The following ZMYND8 variants were observed in gnomAD, a reference collection of about 807,000 sequenced individuals.
The protein encoded by ZMYND8 is MYND-type zinc finger-containing chromatin reader ZMYND8.
A neutral mutation model predicts 140.8 loss-of-function variants in ZMYND8; 37 were observed. The observed-to-expected ratio is 0.26, with a 90% CI of 0.20 to 0.35. ZMYND8 has a LOEUF of 0.35. Ranked by LOEUF, ZMYND8 falls within the 10% of genes least tolerant of loss-of-function variation. The pLI, the probability that ZMYND8 is intolerant of heterozygous loss-of-function variation, is 1.00. For synonymous variants in ZMYND8, 592 were observed against 597.1 expected, an observed-to-expected ratio of 0.99 and a Z score of 0.12; for missense variants, 1,068 against 1,570.0, an observed-to-expected ratio of 0.68 and a Z score of 5.40.
chr20:47,291,682 G>C, intron 6 of ZMYND8, 114 bp downstream of exon 6: 1 of 661,454 alleles, frequency 1.5e-6, no homozygotes, highest in Non-Finnish European at 2.3e-6. Flanking sequence ...AAAATATAGA[G>C]AAACAATTTA....
chr20:47,315,621 G>A (rs1007342556), intron 2 of ZMYND8, among the ~76,000 whole-genome samples: 7 of 152,102 alleles, frequency 4.6e-5, no homozygotes, highest in African/African-American at 1.7e-4. Context: ...GGCTCCATAA[G>A]GACCCTTTCC....
chr20:47,333,197 T>C (rs966120301), intron 2 of ZMYND8, among the ~76,000 whole-genome samples: 2 of 151,308 alleles, frequency 1.3e-5, no homozygotes, highest in African/African-American at 2.4e-5. Flanking sequence ...AACATATATA[T>C]ATGAGAGAGA....
At chr20:47,216,524 G>A (rs1020956088) in intron 21 of ZMYND8, among the ~76,000 whole-genome samples, 2 of 132,958 alleles carry the variant, frequency 1.5e-5, no homozygotes, top group Non-Finnish European at 3.0e-5. Context: ...AAAAAGGGCC[G>A]GGCTGGGCGT....
At chr20:47,234,678 A>T (rs1443491140) in intron 16 of ZMYND8, among the ~76,000 whole-genome samples, 2 of 152,206 alleles carry the variant, frequency 1.3e-5, no homozygotes, top group African/African-American at 2.4e-5. Flanking sequence ...GCAATAGATA[A>T]CAATTACACC....
chr20:47,263,306 C>T (rs2075285180), intron 11 of ZMYND8, among the ~76,000 whole-genome samples: 1 of 152,132 alleles, frequency 6.6e-6, no homozygotes, highest in Non-Finnish European at 1.5e-5. Flanking sequence ...GCCAACTCTT[C>T]CAAGATGAGC....
intron 10 of ZMYND8, 96 bp from the exon 11 acceptor site, chr20:47,276,891 G>T (rs1382474115): frequency 7.5e-6 from 8 of 1,065,718 alleles, no homozygotes; most frequent in South Asian, 2.6e-5. Flanking sequence ...AAGCATGTTT[G>T]CCAAGATTCT....
chr20:47,252,095 A>G (rs1013328523), intron 12 of ZMYND8, among the ~76,000 whole-genome samples: 1 of 152,046 alleles, frequency 6.6e-6, no homozygotes, highest in Non-Finnish European at 1.5e-5. Context: ...GGGGTTCAAG[A>G]TCCGCCTGGC....
At chr20:47,235,926 TG>T in intron 16 of ZMYND8, among the ~76,000 whole-genome samples, 1 of 152,280 alleles carries the variant, frequency 6.6e-6, no homozygotes, top group South Asian at 2.1e-4. Context: ...CATCTCACCT[TG>T]CCAGTCTCAT....
In ZMYND8 at chr20:47,212,150, G is replaced by GA. The variant is rs140350197; in HGVS notation, c.3568+491dup. On this transcript the variant is annotated intron_variant, in intron 22 of 22. Coordinates refer to ENST00000471951, the MANE Select transcript of ZMYND8 (RefSeq NM_001281775.3). The stretch of plus-strand genomic sequence containing the variant: ...TGCAGCTGGTCATCCCCATCTGGGA[G>GA]AAAATCCTACAGTGATGTGGTCAAA... 2.0e-3 allele frequency among the ~76,000 whole-genome samples: 299 copies of GA among 152,306 alleles called. 8 individuals are homozygous for GA. The South Asian group carries it at 0.037, about 19-fold the overall frequency.
chr20:47,333,746 A>AC (rs1319632492), intron 2 of ZMYND8, among the ~76,000 whole-genome samples: 9 of 139,486 alleles, frequency 6.5e-5, no homozygotes, highest in African/African-American at 2.2e-4. Context: ...AAAAAAAAAA[A>AC]AAAAAAAAAA....
chr20:47,335,305 G>GT (rs1408065844), intron 2 of ZMYND8, among the ~76,000 whole-genome samples: 1 of 151,918 alleles, frequency 6.6e-6, no homozygotes, highest in Non-Finnish European at 1.5e-5. Flanking sequence ...GTCAATAAAG[G>GT]TATTTTTTTT....
At chr20:47,287,417 G>T in intron 7 of ZMYND8, 133 bp from the exon 8 acceptor site, 2 of 735,378 alleles carry the variant, frequency 2.7e-6, no homozygotes, top group Non-Finnish European at 4.7e-6. Context: ...AAAACCAGAG[G>T]TTCCTGGCTT....
chr20:47,258,173 C>T (rs986760455), intron 12 of ZMYND8, among the ~76,000 whole-genome samples: 16 of 152,222 alleles, frequency 1.1e-4, no homozygotes, highest in Admixed American at 9.8e-4. Context: ...CAAAACTTCA[C>T]CTTACCCCCT....
At chr20:47,214,391 T>G (rs1432460331) in intron 21 of ZMYND8, among the ~76,000 whole-genome samples, 2 of 152,236 alleles carry the variant, frequency 1.3e-5, no homozygotes, top group African/African-American at 4.8e-5. Flanking sequence ...CGGCACTGAC[T>G]GCAAAACGCA....
chr20:47,281,736 G>T (rs2076618797), intron 10 of ZMYND8, among the ~76,000 whole-genome samples: 1 of 152,140 alleles, frequency 6.6e-6, no homozygotes, highest in Non-Finnish European at 1.5e-5. Flanking sequence ...TCTATTCTTT[G>T]AAAGAATGAT....
chr20:47,322,741 A>T (rs890611498), intron 2 of ZMYND8, among the ~76,000 whole-genome samples: 1 of 152,152 alleles, frequency 6.6e-6, no homozygotes, highest in African/African-American at 2.4e-5. Context: ...TTTATAGGTG[A>T]GGCTCAGAGA....
chr20:47,247,750 C>T (rs2040742429), intron 13 of ZMYND8, among the ~76,000 whole-genome samples: 1 of 152,232 alleles, frequency 6.6e-6, no homozygotes, highest in Non-Finnish European at 1.5e-5. Flanking sequence ...GAGCCATGAA[C>T]AGCCCGGGGC....
intron 3 of ZMYND8, among the ~76,000 whole-genome samples, chr20:47,302,213 G>A (rs988424974): frequency 2.9e-5 from 4 of 139,052 alleles, no homozygotes; most frequent in East Asian, 2.1e-4. Context: ...GTGGTGGCAC[G>A]CCTGTAATGT....
At chr20:47,211,607 G>C (rs1275426598) in intron 22 of ZMYND8, among the ~76,000 whole-genome samples, 1 of 152,200 alleles carries the variant, frequency 6.6e-6, no homozygotes, top group Non-Finnish European at 1.5e-5. Context: ...TCTGTGAAGA[G>C]CACTTTAGCC....
Sources: allele counts gnomAD v4.1 joint callset (sites outside exome capture counted in the v4.1 genomes callset), GRCh38; gene constraint gnomAD v4.1.1; transcripts MANE v1.5; gene names NCBI Gene and HGNC (gene_info 2026-07-23, HGNC 2026-07-21).